Variants in ATP2A2 observed in about 807,000 individuals in gnomAD.
The protein encoded by ATP2A2 is sarcoplasmic/endoplasmic reticulum calcium ATPase 2.
A neutral mutation model predicts 109.3 loss-of-function variants in ATP2A2; 14 were observed. The observed-to-expected ratio is 0.13, with a 90% CI of 0.08 to 0.20. The LOEUF (loss-of-function observed/expected upper bound fraction) is 0.20. Among genes scored for constraint, ATP2A2 ranks in the 10% least tolerant of loss-of-function variants. ATP2A2 has a pLI of 1.00. For synonymous variants in ATP2A2, 506 were observed against 490.9 expected (o/e 1.03, Z -0.41); for missense variants, 657 against 1,321.6 (o/e 0.50, Z 7.80).
At chr12:110,344,849 G>A (rs777260994) in intron 16 of ATP2A2, 37 bp from the exon 17 acceptor site, 6 of 1,608,224 alleles carry the variant, frequency 3.7e-6, no homozygotes, top group Non-Finnish European at 5.1e-6. Flanking sequence ...GAGCCCTGCA[G>A]AGGCAAGTGC....
chr12:110,292,451 A>G (rs1383269955), intron 4 of ATP2A2, among the ~76,000 whole-genome samples: 1 of 151,754 alleles, frequency 6.6e-6, no homozygotes, highest in Non-Finnish European at 1.5e-5. Flanking sequence ...ATTTTTTGGT[A>G]AGAGACAGGG....
chr12:110,307,304 T>C (rs957614158), intron 5 of ATP2A2, among the ~76,000 whole-genome samples: 1 of 148,404 alleles, frequency 6.7e-6, no homozygotes, highest in Non-Finnish European at 1.5e-5. Context: ...TGATTATAGC[T>C]CATTGAGCCA....
Position 110,347,431 on chromosome 12 carries a change from G to GAAGA in ATP2A2, c.*963_*966dup. ...ACTTTAGTTGTACTCTGCTTGAGGG[G>GAAGA]AAGAAGGCTCCTGCTCTGCTGTGTA... is the stretch of plus-strand genomic sequence containing the variant. On this transcript the variant is annotated 3_prime_UTR_variant, in exon 20 of 20. Transcript: ENST00000539276. 1 of 1,289,030 alleles carries GAAGA rather than the reference G, an allele frequency of 7.8e-7. No individual in the cohort carries two copies. Among genetic ancestry groups the GAAGA allele is most frequent in the Non-Finnish European group, 1.0e-6 (1 of 988,686 alleles). The allele number at this position is 1,289,030 out of a possible 1,614,324, so 79.8% of individuals were successfully genotyped here. A position where few individuals can be genotyped will look rare whatever the true frequency, so the allele number is the denominator to read the frequency against.
At chr12:110,287,167 C>T (rs1364583939) in intron 3 of ATP2A2, among the ~76,000 whole-genome samples, 1 of 152,074 alleles carries the variant, frequency 6.6e-6, no homozygotes, top group Non-Finnish European at 1.5e-5. Context: ...GCAGGAGAAT[C>T]GCTTGAACCC....
intron 4 of ATP2A2, among the ~76,000 whole-genome samples, chr12:110,295,731 T>C (rs375361216): frequency 3.3e-5 from 5 of 152,234 alleles, no homozygotes; most frequent in East Asian, 3.8e-4. Context: ...ACTTCCATTC[T>C]GAAATCGGGA....
chr12:110,319,321 C>CT (rs987309166), intron 5 of ATP2A2, among the ~76,000 whole-genome samples: 3 of 150,240 alleles, frequency 2.0e-5, no homozygotes, highest in African/African-American at 7.3e-5. Flanking sequence ...CCAGATAACT[C>CT]TTCTTGTCGT....
At chr12:110,336,328 A>G (rs1566235799) in intron 11 of ATP2A2, among the ~76,000 whole-genome samples, 1 of 152,182 alleles carries the variant, frequency 6.6e-6, no homozygotes, top group Non-Finnish European at 1.5e-5. Flanking sequence ...GTTGTCATAC[A>G]CAGCTGTATA....
At position 110,334,021 on chromosome 12, in the gene ATP2A2, G is replaced by A. The variant is rs753233820; in HGVS notation, c.1297G>A (p.Val433Met). 36 of 1,614,032 alleles carry A rather than the reference G, an allele frequency of 2.2e-5. 1 individual carries two copies. The South Asian group carries it at 3.8e-4, about 17-fold the overall frequency. Residue 433 changes from valine to methionine, a missense_variant, in exon 11 of 20, where the codon GTG becomes ATG. Coordinates refer to ENST00000539276, the MANE Select transcript of ATP2A2 (RefSeq NM_170665.4). The part of the protein sequence containing the change: ...SALDYNEAKG[V>M]YEKVGEATET... ...CCTTTAACCAATACAGGCAAAGGGT[G>A]TGTATGAAAAAGTTGGAGAAGCTAC...
chr12:110,312,834 A>G lies in ATP2A2; in HGVS notation c.464-10158A>G, dbSNP rs553954318. Among the ~76,000 whole-genome samples the G allele has an allele frequency of 2.0e-5, 3 of 149,200 alleles. No homozygotes were observed. The East Asian group carries it at 5.9e-4, about 29-fold the overall frequency. ...AACTGCATTCCACCCTGAGGGACAG[A>G]GCGAGACTCTGTTGCAAAAAAAAAA... is the stretch of plus-strand genomic sequence containing the variant. On this transcript the variant is annotated intron_variant, in intron 5 of 19. Transcript: ENST00000539276.
chr12:110,350,000 T>C lies in ATP2A2; in HGVS notation c.*3530T>C. 3 of 1,338,590 alleles carry C rather than the reference T, an allele frequency of 2.2e-6. No individual in the cohort carries two copies. Among genetic ancestry groups the C allele is most frequent in the Non-Finnish European group, 2.9e-6 (3 of 1,041,216 alleles). The allele number at this position is 1,338,590 out of a possible 1,614,324, so 82.9% of individuals were successfully genotyped here. ...TTGTCCTCTTGCCTGTCTCGCTGCT[T>C]TCACAGCTGCAACGATTGTGTCTGC... On this transcript the variant is annotated 3_prime_UTR_variant, in exon 20 of 20. Coordinates refer to ENST00000539276, the MANE Select transcript of ATP2A2 (RefSeq NM_170665.4).
intron 16 of ATP2A2, among the ~76,000 whole-genome samples, chr12:110,344,222 T>C (rs3026485): frequency 0.016 from 2,463 of 152,290 alleles, 64 homozygotes; most frequent in African/African-American, 0.056. Context: ...ATTCGTGGGT[T>C]AGTGGGTATA....
intron 11 of ATP2A2, among the ~76,000 whole-genome samples, chr12:110,335,720 T>C (rs1306946847): frequency 6.6e-6 from 1 of 152,248 alleles, no homozygotes; most frequent in East Asian, 1.9e-4. Context: ...AGCTCAAGAA[T>C]GGGAACTGCG....
At chr12:110,338,383 C>T (rs747191137) in intron 11 of ATP2A2, among the ~76,000 whole-genome samples, 7 of 152,218 alleles carry the variant, frequency 4.6e-5, no homozygotes, top group Non-Finnish European at 8.8e-5. Flanking sequence ...CTGCTTGGGG[C>T]CATCTCTTCA....
chr12:110,292,778 C>T (rs543831544), intron 4 of ATP2A2, among the ~76,000 whole-genome samples: 19 of 152,226 alleles, frequency 1.2e-4, no homozygotes, highest in Non-Finnish European at 1.9e-4. Flanking sequence ...AGGAGCAACA[C>T]TGTCTCAGAA....
At chr12:110,310,506 C>A (rs1351173949) in intron 5 of ATP2A2, among the ~76,000 whole-genome samples, 4 of 152,124 alleles carry the variant, frequency 2.6e-5, no homozygotes, top group Non-Finnish European at 5.9e-5. Flanking sequence ...ACACTGTTTT[C>A]AGGGTTGTTT....
chr12:110,350,418 G>A lies in ATP2A2; in HGVS notation c.*3948G>A. ...TGACTGATGTTGGGGAAAAAGAAAA[G>A]TAAAAAACTTCCCAACTCACTTTGT... On this transcript the variant is annotated 3_prime_UTR_variant, in exon 20 of 20. Transcript: ENST00000539276. The A allele has an allele frequency of 6.4e-7, 1 of 1,559,540 alleles. No homozygotes were observed. Among genetic ancestry groups the A allele is most frequent in the Non-Finnish European group, 8.8e-7 (1 of 1,133,130 alleles).
In ATP2A2 at chr12:110,340,590, G is replaced by A; in HGVS notation, c.1762-69G>A. 3.3e-6 allele frequency: 5 copies of A among 1,509,256 alleles called. No homozygotes were observed. The South Asian group carries it at 4.6e-5, about 14-fold the overall frequency. 93.5% of individuals were successfully genotyped at this position (1,509,256 alleles called of 1,614,324 possible). On this transcript the variant is annotated intron_variant, in intron 13 of 19. Coordinates refer to ENST00000539276, the MANE Select transcript of ATP2A2 (RefSeq NM_170665.4). The surrounding 1 kb of genome is among the most constrained non-coding windows in gnomAD (Gnocchi z 6.0). ...GAAACCTGTCTCAATGTTTAACTGGGCATTTTTCAAACTAGGGGACAAAAA... is the reference window on the plus strand; with the variant it reads ...GAAACCTGTCTCAATGTTTAACTGGACATTTTTCAAACTAGGGGACAAAAA...
In ATP2A2 at chr12:110,290,391, T is replaced by C. The variant is rs112663281; in HGVS notation, c.220-1629T>C. The stretch of plus-strand genomic sequence containing the variant: ...TTTAAGTCAGTGATCAAGTTGTTTA[T>C]ACTGTGGATTTATGTCACATGGATA... On this transcript the variant is annotated intron_variant, in intron 3 of 19. Coordinates refer to ENST00000539276, the MANE Select transcript of ATP2A2 (RefSeq NM_170665.4). 1.8e-3 allele frequency among the ~76,000 whole-genome samples: 281 copies of C among 152,340 alleles called. 2 individuals are homozygous for C. The highest frequency in any genetic ancestry group is 6.4e-3 in the African/African-American group (266 of 41,564).
At chr12:110,297,571 A>G (rs150415596) in intron 5 of ATP2A2, among the ~76,000 whole-genome samples, 11 of 152,108 alleles carry the variant, frequency 7.2e-5, no homozygotes. Flanking sequence ...ACAGACCTCC[A>G]AGGGTCAGTA....
Sources: gnomAD v4.1 joint callset for allele counts (sites outside exome capture counted in the v4.1 genomes callset) on GRCh38, gnomAD v4.1.1 for gene constraint, Gnocchi (gnomAD v3.1) non-coding constraint, MANE v1.5 for transcripts, NCBI Gene and HGNC (gene_info 2026-07-23, HGNC 2026-07-21) for gene names.